The following TSHZ1 variants were observed in gnomAD, a reference collection of about 807,000 sequenced individuals.
TSHZ1 encodes the protein teashirt homolog 1.
In TSHZ1, 12 loss-of-function variants were observed where a neutral mutation model predicts 67.1. The ratio of observed to expected loss-of-function variants is 0.18; its 90% CI spans 0.11 to 0.29. The LOEUF (loss-of-function observed/expected upper bound fraction) is 0.29, where lower values mean the gene tolerates loss of function less well. TSHZ1 is among the 10% of genes least tolerant of loss of function. The pLI is 1.00. For missense variants in TSHZ1, 1,305 were observed against 1,413.9 expected, an observed-to-expected ratio of 0.92 and a Z score of 1.23; for synonymous variants, 632 against 622.4, an observed-to-expected ratio of 1.02 and a Z score of -0.23.
In TSHZ1 at chr18:75,287,530, T is replaced by C; in HGVS notation, c.2123T>C (p.Leu708Pro). 6.2e-7 allele frequency: 1 copy of C among 1,614,234 alleles called. No homozygotes were observed. The highest frequency in any genetic ancestry group is 8.5e-7 in the Non-Finnish European group (1 of 1,180,046). Residue 708 changes from leucine (L) to proline (P), a missense_variant, in exon 2 of 2, where the codon CTG becomes CCG. Transcript: ENST00000580243. This position sits in a 1 kb window ranked among gnomAD's most constrained non-coding sequence, Gnocchi z 5.0. Reference sequence around the variant, plus strand: ...GGGAAGGCCAAAAAGGAGGGACCGCTGGACGTTCACACCCCAAATGGCACA... The same window carrying C: ...GGGAAGGCCAAAAAGGAGGGACCGCCGGACGTTCACACCCCAAATGGCACA... ...ETGKAKKEGP[L>P]DVHTPNGTEP...
chr18:75,238,461 C>T lies in TSHZ1; in HGVS notation c.40+26545C>T, dbSNP rs73971569. Among the ~76,000 whole-genome samples the T allele has an allele frequency of 3.4e-3, 518 of 152,200 alleles. 4 individuals carry two copies. The highest frequency in any genetic ancestry group is 0.012 in the African/African-American group (496 of 41,498). ...AATCACAGTGATCTGGGAAAAGCGT[C>T]GACATGGATGATATCTGGTTTGTTT... is the stretch of plus-strand genomic sequence containing the variant. On this transcript the variant is annotated intron_variant, in intron 1 of 1. Coordinates refer to ENST00000580243, the MANE Select transcript of TSHZ1 (RefSeq NM_001308210.2).
rs2023440342 is a variant in TSHZ1 at position 75,262,346 on chromosome 18, G to C, written c.41-23102G>C. ...ACTGTGTTGTACTACATGACACTGA[G>C]TCATATTAAAGATAATTGTATATGC... On this transcript the variant is annotated intron_variant, in intron 1 of 1. Coordinates refer to ENST00000580243, the MANE Select transcript of TSHZ1 (RefSeq NM_001308210.2). Among the ~76,000 whole-genome samples, 2 of 152,166 alleles carry C rather than the reference G, an allele frequency of 1.3e-5. 1 individual carries two copies. Among genetic ancestry groups the C allele is most frequent in the South Asian group, 4.1e-4 (2 of 4,824 alleles).
chr18:75,234,745 T>G (rs900478504), intron 1 of TSHZ1, among the ~76,000 whole-genome samples: 1 of 152,364 alleles, frequency 6.6e-6, no homozygotes, highest in African/African-American at 2.4e-5. Context: ...TATGACACGT[T>G]CACCCATACA....
At chr18:75,274,623 A>T (rs2023595628) in intron 1 of TSHZ1, among the ~76,000 whole-genome samples, 3 of 152,244 alleles carry the variant, frequency 2.0e-5, no homozygotes, top group Non-Finnish European at 1.5e-5. Flanking sequence ...GATTTTTGGA[A>T]AATTGTAGCT....
chr18:75,244,593 C>G (rs975332188), intron 1 of TSHZ1: 8 of 152,204 alleles, frequency 5.3e-5, no homozygotes, highest in African/African-American at 1.9e-4. Flanking sequence ...CCGGCTTTCT[C>G]CAGTGCGGTT....
chr18:75,223,467 G>T (rs1294761102), intron 1 of TSHZ1, among the ~76,000 whole-genome samples: 1 of 152,116 alleles, frequency 6.6e-6, no homozygotes, highest in African/African-American at 2.4e-5. Flanking sequence ...GGAGTTGCAG[G>T]CCAGGATCCC....
At chr18:75,217,574 A>T (rs944136095) in intron 1 of TSHZ1, among the ~76,000 whole-genome samples, 1 of 152,238 alleles carries the variant, frequency 6.6e-6, no homozygotes, top group Admixed American at 6.5e-5. Flanking sequence ...TAAGAAAACA[A>T]TGAACCAGGT....
chr18:75,261,996 G>A (rs899481944), intron 1 of TSHZ1, among the ~76,000 whole-genome samples: 1 of 152,202 alleles, frequency 6.6e-6, no homozygotes, highest in Admixed American at 6.5e-5. Context: ...GACAGGGGTT[G>A]TGCCTGGTGT....
At chr18:75,261,534 T>A (rs1376490456) in intron 1 of TSHZ1, among the ~76,000 whole-genome samples, 1 of 152,154 alleles carries the variant, frequency 6.6e-6, no homozygotes, top group Non-Finnish European at 1.5e-5. Context: ...AGCAAGAGGG[T>A]GGCCATTGCT....
chr18:75,288,487 G>GGGCC lies in TSHZ1; in HGVS notation c.3081_3084dup (p.Thr1029GlyfsTer13), dbSNP rs1568372287. The stretch of plus-strand genomic sequence containing the variant: ...ACCAACAAAACTCTGGGCCCACTGG[G>GGGCC]GGCCACCGAGGAAGACTTGGGCTCC... On this transcript the variant is annotated frameshift_variant, in exon 2 of 2. Coordinates refer to ENST00000580243, the MANE Select transcript of TSHZ1 (RefSeq NM_001308210.2). LOFTEE classifies it high-confidence loss of function. This position sits in a 1 kb window ranked among gnomAD's most constrained non-coding sequence, Gnocchi z 4.9. 1 of 1,614,156 alleles carries GGGCC rather than the reference G, an allele frequency of 6.2e-7. No homozygotes were observed. Among genetic ancestry groups the GGGCC allele is most frequent in the Admixed American group, 1.7e-5 (1 of 60,030 alleles).
chr18:75,245,914 T>C (rs1445289173), intron 1 of TSHZ1, among the ~76,000 whole-genome samples: 2 of 152,220 alleles, frequency 1.3e-5, no homozygotes, highest in Non-Finnish European at 2.9e-5. Context: ...AGTGTTGTTC[T>C]GATTAGTCTT....
At chr18:75,228,136 T>C (rs1030781106) in intron 1 of TSHZ1, among the ~76,000 whole-genome samples, 3 of 152,214 alleles carry the variant, frequency 2.0e-5, no homozygotes, top group African/African-American at 4.8e-5. Context: ...GGATGGATGC[T>C]TTTTTCAAAG....
chr18:75,240,906 AT>A (rs2023147811), intron 1 of TSHZ1, among the ~76,000 whole-genome samples: 1 of 152,192 alleles, frequency 6.6e-6, no homozygotes, highest in Non-Finnish European at 1.5e-5. Flanking sequence ...AGTTAAATGC[AT>A]TCAGAACAGT....
At chr18:75,221,037 C>T (rs895339041) in intron 1 of TSHZ1, 4 of 152,202 alleles carry the variant, frequency 2.6e-5, no homozygotes, top group Non-Finnish European at 5.9e-5. Context: ...CAGGCTGCTC[C>T]CAGGCTCTGC....
intron 1 of TSHZ1, among the ~76,000 whole-genome samples, chr18:75,232,224 A>C (rs556566631): frequency 6.6e-6 from 1 of 152,132 alleles, no homozygotes; most frequent in Non-Finnish European, 1.5e-5. Flanking sequence ...TTTTTTTAGT[A>C]ATTGAGGCTA....
chr18:75,235,773 A>G (rs1047270987), intron 1 of TSHZ1, among the ~76,000 whole-genome samples: 1 of 152,158 alleles, frequency 6.6e-6, no homozygotes, highest in African/African-American at 2.4e-5. Context: ...CAAAAATTCC[A>G]TTTTCCAATT....
intron 1 of TSHZ1, among the ~76,000 whole-genome samples, chr18:75,214,324 C>A (rs1040687474): frequency 4.6e-5 from 7 of 152,144 alleles, no homozygotes; most frequent in African/African-American, 1.7e-4. Context: ...TCCTGATTTC[C>A]TTCATCTTAA....
At chr18:75,226,710 C>T (rs768580708) in intron 1 of TSHZ1, among the ~76,000 whole-genome samples, 1 of 152,058 alleles carries the variant, frequency 6.6e-6, no homozygotes, top group African/African-American at 2.4e-5. Flanking sequence ...CCCTCCCAGC[C>T]GCAGTGTCAG....
Position 75,288,708 on chromosome 18 carries a change from T to G in TSHZ1, c.*67T>G. 6.6e-7 allele frequency: 1 copy of G among 1,511,912 alleles called. No homozygotes were observed. 93.7% of individuals were successfully genotyped at this position (1,511,912 alleles called of 1,614,324 possible). On this transcript the variant is annotated 3_prime_UTR_variant, in exon 2 of 2. Transcript: ENST00000580243. The surrounding 1 kb of genome is among the most constrained non-coding windows in gnomAD (Gnocchi z 4.9). ...TCGTCGAGCTGCACTAGGCCTGGCC[T>G]GAGCCTCTGAAATCAGTCTTTCCTT...
Sources: allele counts gnomAD v4.1 joint callset (sites outside exome capture counted in the v4.1 genomes callset), GRCh38; gene constraint gnomAD v4.1.1; non-coding constraint Gnocchi (gnomAD v3.1); transcripts MANE v1.5; gene names NCBI Gene and HGNC (gene_info 2026-07-23, HGNC 2026-07-21).